PODNL1: variants seen among roughly 807,000 people sequenced by gnomAD.
PODNL1 encodes the protein podocan-like protein 1.
Under a neutral mutation model 45.1 loss-of-function variants are expected in PODNL1, and 50 were observed. The ratio of observed to expected loss-of-function variants is 1.11; its 90% CI spans 0.88 to 1.40. The LOEUF is 1.40. Ranked by LOEUF, PODNL1 falls within the 40% of genes most tolerant of loss-of-function variation. PODNL1 has a pLI of 0.00. For synonymous variants in PODNL1, 406 were observed against 372.5 expected (o/e 1.09, Z -1.04); for missense variants, 788 against 793.3 (o/e 0.99, Z 0.08).
upstream of PODNL1, among the ~76,000 whole-genome samples, chr19:13,939,642 T>G (rs1401046700): frequency 6.6e-6 from 1 of 151,894 alleles, no homozygotes; most frequent in Admixed American, 6.6e-5. Context: ...ATCCCAGCAC[T>G]TTGGGAGGCT....
Position 13,933,546 on chromosome 19 carries a change from C to G in PODNL1, c.768-91G>C. The G allele has an allele frequency of 2.2e-6, 3 of 1,336,276 alleles. No individual in the cohort carries two copies. The highest frequency in any genetic ancestry group is 1.0e-6 in the Non-Finnish European group (1 of 993,866). The allele number at this position is 1,336,276 out of a possible 1,614,324, so 82.8% of individuals were successfully genotyped here. On this transcript the variant is annotated intron_variant, in intron 7 of 9. Transcript: ENST00000588872. The surrounding 1 kb of genome is among the most constrained non-coding windows in gnomAD (Gnocchi z 5.2). ...GGGAGGCTGGGGAGTGGTCCTGAGACAGATTTAAGCTGGAGATTTTGACTT... is the reference window on the plus strand; with the variant it reads ...GGGAGGCTGGGGAGTGGTCCTGAGAGAGATTTAAGCTGGAGATTTTGACTT...
rs1193474831 is a variant in PODNL1 at position 13,935,969 on chromosome 19, TG to T, written c.384+10del. ...ACTGGGCTCGGCCTGCGGGTGGGGC[TG>T]GGGGCTCACCTTGTTGTGAGCCACG... On this transcript the variant is annotated intron_variant, in intron 4 of 9. Transcript: ENST00000588872. 2 of 1,551,532 alleles carry T rather than the reference TG, an allele frequency of 1.3e-6. No individual in the cohort carries two copies. Among genetic ancestry groups the T allele is most frequent in the Admixed American group, 2.0e-5 (1 of 51,108 alleles).
intron 5 of PODNL1, 121 bp from the exon 6 acceptor site, chr19:13,934,531 G>A (rs1261043014): frequency 4.2e-5 from 41 of 971,724 alleles, no homozygotes; most frequent in South Asian, 1.0e-4. Flanking sequence ...GTGTGTGCGC[G>A]CGCATGTGTG....
chr19:13,938,078 C>A, intron 1 of PODNL1, 72 bp from the exon 2 acceptor site: 1 of 1,469,056 alleles, frequency 6.8e-7, no homozygotes, highest in African/African-American at 1.4e-5. Flanking sequence ...AGCATCCCCT[C>A]CTCGGGGAGG....
At chr19:13,938,139 G>C (rs758210063) in intron 1 of PODNL1, 40 bp downstream of exon 1, 94 of 1,565,530 alleles carry the variant, frequency 6.0e-5, no homozygotes, top group Middle Eastern at 5.1e-4. Flanking sequence ...TGGGGGGGCA[G>C]GCAGGCCCCA....
Position 13,933,101 on chromosome 19 carries a change from T to A in PODNL1, c.1122A>T (p.Thr374=). The part of the protein sequence containing the change: ...AALGARDLVA[T]PGLTELNLAY... ...CCAGGTTAAGCTCCGTCAGGCCCGG[T>A]GTGGCGACCAGGTCACGGGCACCCA... Residue 374 remains threonine (T), a synonymous_variant, in exon 8 of 10, where the codon ACA becomes ACT. Coordinates refer to ENST00000588872, the MANE Select transcript of PODNL1 (RefSeq NM_001370095.3). This position sits in a 1 kb window ranked among gnomAD's most constrained non-coding sequence, Gnocchi z 5.2. 2 of 1,529,580 alleles carry A rather than the reference T, an allele frequency of 1.3e-6. No homozygotes were observed. The highest frequency in any genetic ancestry group is 1.8e-6 in the Non-Finnish European group (2 of 1,142,208). 94.8% of individuals were successfully genotyped at this position (1,529,580 alleles called of 1,614,324 possible).
chr19:13,948,367 ATTTTTTT>A (rs572142449), intron 1 of PODNL1, among the ~76,000 whole-genome samples: 1 of 130,506 alleles, frequency 7.7e-6, no homozygotes, highest in Non-Finnish European at 1.6e-5. Context: ...CGCCCGGCTA[ATTTTTTT>A]TTTTTTTTTT....
Position 13,938,195 on chromosome 19 carries a change from T to A in PODNL1, c.-14A>T. 6.2e-7 allele frequency: 1 copy of A among 1,608,114 alleles called. No individual in the cohort carries two copies. The highest frequency in any genetic ancestry group is 1.3e-5 in the African/African-American group (1 of 74,892). ...CCACCTTACCATGGCCAGCCCTGAC[T>A]CTGCCATCTCGCCCAAGCTGCTGAC... On this transcript the variant is annotated 5_prime_UTR_variant, in exon 1 of 10. Coordinates refer to ENST00000588872, the MANE Select transcript of PODNL1 (RefSeq NM_001370095.3).
rs373864112 is a variant in PODNL1, at chr19:13,932,920, G to A, written c.1303C>T (p.Arg435Trp). Reference sequence around the variant, plus strand: ...GCCAGAGGCTCGGGCTCGAGCATCCGCAGCTGGTTGCGTTGCAGCTGCAGG... The same window carrying A: ...GCCAGAGGCTCGGGCTCGAGCATCCACAGCTGGTTGCGTTGCAGCTGCAGG... ...RTLQLQRNQLRMLEPEPLAGL... is the reference protein window; with the variant it reads ...RTLQLQRNQLWMLEPEPLAGL... The change falls in exon 8 of 10, where the codon CGG becomes TGG. Residue 435 changes from arginine (R) to tryptophan (W), a missense_variant. Physicochemically the swap from Arg to Trp is moderately radical, Grantham distance 101. This residue lies in a region of PODNL1 where 762 missense variants were observed against 750.9 expected (regional missense o/e 1.01). Coordinates refer to ENST00000588872, the MANE Select transcript of PODNL1 (RefSeq NM_001370095.3). 6.3e-6 allele frequency: 10 copies of A among 1,575,914 alleles called. No homozygotes were observed. Among genetic ancestry groups the A allele is most frequent in the Non-Finnish European group, 6.0e-6 (7 of 1,163,512 alleles).
upstream of PODNL1, among the ~76,000 whole-genome samples, chr19:13,942,630 C>T (rs759733880): frequency 4.6e-5 from 7 of 152,148 alleles, no homozygotes; most frequent in African/African-American, 1.7e-4. Flanking sequence ...ATCAATGTGG[C>T]CCCAGTGTCC....
chr19:13,937,813 G>A lies in PODNL1; in HGVS notation c.197C>T (p.Thr66Ile). 6.3e-7 allele frequency: 1 copy of A among 1,593,336 alleles called. No individual in the cohort carries two copies. The highest frequency in any genetic ancestry group is 8.5e-7 in the Non-Finnish European group (1 of 1,171,420). Residue 66 changes from threonine (T) to isoleucine (I), a missense_variant, in exon 2 of 10, where the codon ACC (threonine) becomes ATC (isoleucine). By Grantham distance (89) the Thr-to-Ile change is moderately conservative (BLOSUM62 -1). This residue lies in a region of PODNL1 where 762 missense variants were observed against 750.9 expected (regional missense o/e 1.01). Transcript: ENST00000588872. Reference sequence around the variant, plus strand: ...CAGGGAGAGGTGCTGAGCGGCTCTGGTGATGTTGTCCGGGAACACTCGAAG... The same window carrying A: ...CAGGGAGAGGTGCTGAGCGGCTCTGATGATGTTGTCCGGGAACACTCGAAG... ...LDLRVFPDNI[T>I]RAAQHLSLQN...
intron 1 of PODNL1, among the ~76,000 whole-genome samples, chr19:13,946,819 G>A (rs932127690): frequency 4.0e-5 from 6 of 151,786 alleles, no homozygotes; most frequent in South Asian, 2.1e-4. Flanking sequence ...TTGGGAGGCC[G>A]AGGTGGGCGG....
chr19:13,937,938 G>A lies in PODNL1; in HGVS notation c.72C>T (p.Ala24=), dbSNP rs1344974691. 1.3e-6 allele frequency: 2 copies of A among 1,549,426 alleles called. No individual in the cohort carries two copies. Among genetic ancestry groups the A allele is most frequent in the African/African-American group, 1.4e-5 (1 of 73,494 alleles). Residue 24 remains alanine, a synonymous_variant, in exon 2 of 10, where the codon GCC becomes GCT. Transcript: ENST00000588872. ...GCAAGCTCTCCCCCAGGTGGGGGAA[G>A]GCAGCGTCTTCCAAGCCGGCGACGG... ...PPPVAGLEDA[A]FPHLGESLQP...
rs760213002 is a variant in PODNL1 at position 13,933,395 on chromosome 19, G to A, written c.828C>T (p.Ala276=). The change falls in exon 8 of 10, where the codon GCC becomes GCT. Residue 276 remains alanine (A), a synonymous_variant. Transcript: ENST00000588872. The surrounding 1 kb of genome is among the most constrained non-coding windows in gnomAD (Gnocchi z 5.2). ...LSHNQLTTVP[A]GLPRTLAILH... ...GGATAGCCAGGGTCCGGGGCAGGCC[G>A]GCGGGCACTGTGGTCAGCTGGTTGT... 12 of 1,604,080 alleles carry A rather than the reference G, an allele frequency of 7.5e-6. No homozygotes were observed. The highest frequency in any genetic ancestry group is 4.0e-5 in the African/African-American group (3 of 74,800).
chr19:13,935,143 A>AGTGT (rs144912314), intron 5 of PODNL1, among the ~76,000 whole-genome samples: 22 of 148,778 alleles, frequency 1.5e-4, no homozygotes, highest in African/African-American at 3.5e-4. Context: ...AGTCTGTGTA[A>AGTGT]GTGTGTGTGT....
chr19:13,952,987 C>T (rs1306366921), intron 1 of PODNL1: 2 of 1,100,048 alleles, frequency 1.8e-6, no homozygotes, highest in African/African-American at 3.2e-5. Flanking sequence ...AAGCTCTGCT[C>T]CCATGGTTGC....
At chr19:13,941,209 T>C (rs191756261), upstream of PODNL1, among the ~76,000 whole-genome samples, 18 of 148,736 alleles carry the variant, frequency 1.2e-4, no homozygotes, top group East Asian at 3.7e-3. Context: ...CTACTAAAAA[T>C]ACAAAAATTT....
At chr19:13,935,345 G>T (rs1363751569) in intron 5 of PODNL1, among the ~76,000 whole-genome samples, 1 of 152,004 alleles carries the variant, frequency 6.6e-6, no homozygotes, top group Non-Finnish European at 1.5e-5. Flanking sequence ...TTTTAATTTT[G>T]AGACAGAGTC....
intron 1 of PODNL1, among the ~76,000 whole-genome samples, chr19:13,948,997 T>C (rs901927946): frequency 1.3e-5 from 2 of 151,558 alleles, no homozygotes; most frequent in Non-Finnish European, 2.9e-5. Flanking sequence ...AGTTTATTTA[T>C]GTGTTTATTT....
Sources: allele counts gnomAD v4.1 joint callset (sites outside exome capture counted in the v4.1 genomes callset), GRCh38; gene constraint gnomAD v4.1.1; regional missense constraint gnomAD v4.1.1; non-coding constraint Gnocchi (gnomAD v3.1); transcripts MANE v1.5; gene names NCBI Gene and HGNC (gene_info 2026-07-23, HGNC 2026-07-21).